The following SLC25A21 variants were observed in gnomAD, a reference collection of about 807,000 sequenced individuals.
The protein encoded by SLC25A21 is solute carrier family 25 member 21, also known as mitochondrial 2-oxodicarboxylate carrier.
Under a neutral mutation model 43.8 loss-of-function variants are expected in SLC25A21, and 47 were observed. The observed-to-expected ratio is 1.07, with a 90% CI of 0.85 to 1.37. The LOEUF (loss-of-function observed/expected upper bound fraction) is 1.37, where lower values mean the gene tolerates loss of function less well. SLC25A21 is among the 40% of genes most tolerant of loss of function. SLC25A21 has a pLI of 0.00. For synonymous variants in SLC25A21, 131 were observed against 121.3 expected, an observed-to-expected ratio of 1.08 and a Z score of -0.52; for missense variants, 352 against 350.2, an observed-to-expected ratio of 1.00 and a Z score of -0.04.
intron 1 of SLC25A21, among the ~76,000 whole-genome samples, chr14:36,972,441 T>C (rs1286481455): frequency 2.0e-5 from 3 of 152,202 alleles, no homozygotes; most frequent in Admixed American, 6.5e-5. Flanking sequence ...ATCCCTTTCA[T>C]AGATCTTAAA....
At chr14:36,762,715 G>A (rs1886208083) in intron 3 of SLC25A21, among the ~76,000 whole-genome samples, 1 of 152,114 alleles carries the variant, frequency 6.6e-6, no homozygotes, top group South Asian at 2.1e-4. Context: ...TAAGTTTAGT[G>A]CCTTCATCTG....
intron 1 of SLC25A21, among the ~76,000 whole-genome samples, chr14:36,912,034 T>C (rs1891699428): frequency 6.6e-6 from 1 of 152,148 alleles, no homozygotes; most frequent in Non-Finnish European, 1.5e-5. Flanking sequence ...TTATAAAATG[T>C]TTTCTCTGTG....
intron 1 of SLC25A21, among the ~76,000 whole-genome samples, chr14:36,897,746 TC>T (rs1407007350): frequency 6.6e-6 from 1 of 152,204 alleles, no homozygotes; most frequent in East Asian, 1.9e-4. Context: ...TAATTTTCCT[TC>T]TAACAGTCAG....
At chr14:37,129,989 C>A (rs1312623931) in intron 1 of SLC25A21, among the ~76,000 whole-genome samples, 1 of 147,554 alleles carries the variant, frequency 6.8e-6, no homozygotes, top group Non-Finnish European at 1.5e-5. Flanking sequence ...CAGTGGCATA[C>A]AACTGTAATC....
chr14:36,881,089 C>T (rs1890706918), intron 1 of SLC25A21, among the ~76,000 whole-genome samples: 1 of 152,176 alleles, frequency 6.6e-6, no homozygotes, highest in African/African-American at 2.4e-5. Context: ...TTGCTGTTGA[C>T]AGTGTGAAAT....
chr14:36,946,040 G>T (rs188344432), intron 1 of SLC25A21, among the ~76,000 whole-genome samples: 5 of 152,100 alleles, frequency 3.3e-5, no homozygotes, highest in Non-Finnish European at 5.9e-5. Context: ...GAATGCTTCC[G>T]TTAGCACAAG....
intron 7 of SLC25A21, among the ~76,000 whole-genome samples, chr14:36,694,946 C>A (rs535625780): frequency 2.6e-5 from 4 of 152,242 alleles, no homozygotes; most frequent in Middle Eastern, 3.4e-3. Context: ...GCTTTTCTTG[C>A]CATTGCTTTT....
intron 2 of SLC25A21, among the ~76,000 whole-genome samples, chr14:36,847,233 T>C (rs1594637028): frequency 1.3e-5 from 2 of 152,208 alleles, no homozygotes; most frequent in East Asian, 3.9e-4. Flanking sequence ...AGTGAATGAA[T>C]GCATGGTTGA....
intron 1 of SLC25A21, among the ~76,000 whole-genome samples, chr14:37,093,252 AGTTT>A (rs1962623227): frequency 6.6e-6 from 1 of 152,206 alleles, no homozygotes; most frequent in Non-Finnish European, 1.5e-5. Flanking sequence ...ACGATTTTTT[AGTTT>A]ATCAAATAAA....
At chr14:36,898,387 G>A (rs963771593) in intron 1 of SLC25A21, among the ~76,000 whole-genome samples, 5 of 152,176 alleles carry the variant, frequency 3.3e-5, no homozygotes, top group African/African-American at 4.8e-5. Context: ...TTGGAAAAGC[G>A]CAGTATTAGG....
chr14:37,165,198 G>T (rs577258354), intron 1 of SLC25A21, among the ~76,000 whole-genome samples: 5 of 152,128 alleles, frequency 3.3e-5, no homozygotes, highest in Non-Finnish European at 7.3e-5. Flanking sequence ...CCAACATGGC[G>T]AAACCTCATC....
chr14:36,718,356 C>T (rs1206299278), intron 6 of SLC25A21, among the ~76,000 whole-genome samples: 1 of 152,144 alleles, frequency 6.6e-6, no homozygotes, highest in Non-Finnish European at 1.5e-5. Context: ...TAATTTCTGT[C>T]CTGAATTGTT....
Position 36,984,008 on chromosome 14 carries a change from T to C in SLC25A21, c.71-109004A>G, listed in dbSNP as rs188632075. 1.6e-3 allele frequency among the ~76,000 whole-genome samples: 243 copies of C among 152,130 alleles called. 1 individual carries two copies. Among genetic ancestry groups the C allele is most frequent in the African/African-American group, 5.5e-3 (228 of 41,516 alleles). On this transcript the variant is annotated intron_variant, in intron 1 of 9. Coordinates refer to ENST00000331299, the MANE Select transcript of SLC25A21 (RefSeq NM_030631.4). ...CTCCAAAAGGGTGAAGGGAGTGAGG[T>C]TGAAAAATTACCTATTGGGTATAAT...
At chr14:36,796,885 C>G (rs1221693303) in intron 3 of SLC25A21, among the ~76,000 whole-genome samples, 2 of 152,136 alleles carry the variant, frequency 1.3e-5, no homozygotes, top group Non-Finnish European at 2.9e-5. Flanking sequence ...CCTCAGGGAG[C>G]TGGACTCAGC....
chr14:37,089,291 T>C (rs918786608), intron 1 of SLC25A21, among the ~76,000 whole-genome samples: 6 of 152,176 alleles, frequency 3.9e-5, no homozygotes, highest in Admixed American at 2.0e-4. Flanking sequence ...TATATATATA[T>C]TTTCTACAGT....
intron 1 of SLC25A21, among the ~76,000 whole-genome samples, chr14:37,080,712 A>G (rs1050195436): frequency 3.9e-5 from 6 of 152,334 alleles, no homozygotes; most frequent in East Asian, 1.9e-4. Flanking sequence ...CACTAGGATG[A>G]TAGGGCACAT....
chr14:37,094,984 A>G (rs1039038777), intron 1 of SLC25A21, among the ~76,000 whole-genome samples: 1 of 152,218 alleles, frequency 6.6e-6, no homozygotes, highest in Non-Finnish European at 1.5e-5. Flanking sequence ...ACACAAAAAA[A>G]AAGTAAGTAT....
chr14:37,110,632 C>A (rs1453660474), intron 1 of SLC25A21, among the ~76,000 whole-genome samples: 1 of 152,092 alleles, frequency 6.6e-6, no homozygotes, highest in Non-Finnish European at 1.5e-5. Context: ...TGCAGTAAGC[C>A]AGGGTCAACT....
chr14:36,988,872 C>G (rs577661390), intron 1 of SLC25A21, among the ~76,000 whole-genome samples: 1 of 152,178 alleles, frequency 6.6e-6, no homozygotes, highest in African/African-American at 2.4e-5. Context: ...AGCTTGAAGT[C>G]TGTCAGTTAC....
Sources: allele counts gnomAD v4.1 joint callset (sites outside exome capture counted in the v4.1 genomes callset), GRCh38; gene constraint gnomAD v4.1.1; transcripts MANE v1.5; gene names NCBI Gene and HGNC (gene_info 2026-07-23, HGNC 2026-07-21).